Variants in B4GALT7 observed in about 807,000 individuals in gnomAD.
The protein encoded by B4GALT7 is beta-1,4-galactosyltransferase 7, also known as UDP-Gal:beta-GlcNAc beta-1,4-galactosyltransferase 7.
Under a neutral mutation model 33.0 loss-of-function variants are expected in B4GALT7, and 30 were observed. The observed-to-expected ratio is 0.91, with a 90% CI of 0.68 to 1.23. The LOEUF is 1.23. Among genes scored for constraint, B4GALT7 ranks in the 50% most tolerant of loss-of-function variants. The pLI is 0.00. For missense variants in B4GALT7, 507 were observed against 450.8 expected (o/e 1.12, Z -1.13); for synonymous variants, 213 against 187.2 (o/e 1.14, Z -1.13).
chr5:177,608,694 A>T lies in B4GALT7; in HGVS notation c.723+72A>T. 6.9e-7 allele frequency: 1 copy of T among 1,444,034 alleles called. No individual in the cohort carries two copies. The highest frequency in any genetic ancestry group is 9.6e-7 in the Non-Finnish European group (1 of 1,036,378). 89.5% of individuals were successfully genotyped at this position (1,444,034 alleles called of 1,614,324 possible). A position where few individuals can be genotyped will look rare whatever the true frequency, so the allele number is the denominator to read the frequency against. ...CTGAGATTTTCTTCTGTTTCCTCAGATGAAGCTCCTGGGGTCTGGAGATGG... is the reference window on the plus strand; with the variant it reads ...CTGAGATTTTCTTCTGTTTCCTCAGTTGAAGCTCCTGGGGTCTGGAGATGG... On this transcript the variant is annotated intron_variant, in intron 4 of 5. Transcript: ENST00000029410. This position sits in a 1 kb window ranked among gnomAD's most constrained non-coding sequence, Gnocchi z 4.1.
At position 177,609,584 on chromosome 5, in the gene B4GALT7, G is replaced by A. The variant is rs755157004; in HGVS notation, c.873G>A (p.Lys291=). The change falls in exon 6 of 6, where the codon AAG becomes AAA. Residue 291 remains lysine (K), a synonymous_variant. Transcript: ENST00000029410. ...VDREGGLNTV[K]YHVASRTALS... ...GGGAGGGAGGCCTGAACACTGTGAA[G>A]TACCATGTGGCTTCCCGCACTGCCC... 4 of 1,613,924 alleles carry A rather than the reference G, an allele frequency of 2.5e-6. No individual in the cohort carries two copies. Among genetic ancestry groups the A allele is most frequent in the South Asian group, 1.1e-5 (1 of 91,074 alleles).
rs6600950 is a variant in B4GALT7, at chr5:177,606,518, C to G, written c.414-784C>G. ...TGCCACTGCCACCTCCTGAGCTAGG[C>G]CACCTTCATCTTTTGGTCTCTCACC... On this transcript the variant is annotated intron_variant, in intron 2 of 5. Transcript: ENST00000029410. The surrounding 1 kb of genome is among the most constrained non-coding windows in gnomAD (Gnocchi z 4.2). The G allele has an allele frequency of 0.53, 81,548 of 152,850 alleles. 21,772 individuals carry two copies. The highest frequency in any genetic ancestry group is 0.59 in the African/African-American group (24,499 of 41,458). The allele number at this position is 152,850 out of a possible 1,614,324, so 9.5% of individuals were successfully genotyped here. A position where few individuals can be genotyped will look rare whatever the true frequency, so the allele number is the denominator to read the frequency against.
At position 177,607,519 on chromosome 5, in the gene B4GALT7, T is replaced by C. The variant is rs1203004554; in HGVS notation, c.631T>C (p.Tyr211His). The change falls in exon 3 of 6, where the codon TAC becomes CAC. Residue 211 changes from tyrosine to histidine, a missense_variant. Coordinates refer to ENST00000029410, the MANE Select transcript of B4GALT7 (RefSeq NM_007255.3). ...CATCCTGCTGCTCTCCAAGCAGCAC[T>C]ACCGGCTGGTGAGGCCCGGACAGCC... is the stretch of plus-strand genomic sequence containing the variant. ...GGILLLSKQH[Y>H]RLCNGMSNRF... The C allele has an allele frequency of 1.2e-6, 2 of 1,611,416 alleles. No individual in the cohort carries two copies. Among genetic ancestry groups the C allele is most frequent in the South Asian group, 1.1e-5 (1 of 91,082 alleles).
Position 177,609,707 on chromosome 5 carries a change from A to G in B4GALT7, c.*12A>G. 1 of 1,595,640 alleles carries G rather than the reference A, an allele frequency of 6.3e-7. No homozygotes were observed. The highest frequency in any genetic ancestry group is 8.5e-7 in the Non-Finnish European group (1 of 1,171,138). ...GCACATTCAGCTGAGCTGGATGGAC[A>G]GTGAGGAAGCCTGTACCTACAGGCC... On this transcript the variant is annotated 3_prime_UTR_variant, in exon 6 of 6. Coordinates refer to ENST00000029410, the MANE Select transcript of B4GALT7 (RefSeq NM_007255.3).
chr5:177,608,786 GC>G lies in B4GALT7; in HGVS notation c.724-120del. On this transcript the variant is annotated intron_variant, in intron 4 of 5. Transcript: ENST00000029410. This position sits in a 1 kb window ranked among gnomAD's most constrained non-coding sequence, Gnocchi z 4.1. ...ATCTAGCCAGTTCCTTGCCCTGTGG[GC>G]CCCAGTCTCCTCTCCTGCAGGCTGG... is the stretch of plus-strand genomic sequence containing the variant. 1 of 1,133,538 alleles carries G rather than the reference GC, an allele frequency of 8.8e-7. No homozygotes were observed. The highest frequency in any genetic ancestry group is 1.3e-5 in the South Asian group (1 of 79,418). 70.2% of individuals were successfully genotyped at this position (1,133,538 alleles called of 1,614,324 possible).
Position 177,600,307 on chromosome 5 carries a change from C to A in B4GALT7, c.50+47C>A. Reference sequence around the variant, plus strand: ...GGGCCCCGTCCTCCCGGGCGCCGCTCCCTTCTCGGCCGCCGGCGGAATCTG... The same window carrying A: ...GGGCCCCGTCCTCCCGGGCGCCGCTACCTTCTCGGCCGCCGGCGGAATCTG... On this transcript the variant is annotated intron_variant, in intron 1 of 5. Coordinates refer to ENST00000029410, the MANE Select transcript of B4GALT7 (RefSeq NM_007255.3). The surrounding 1 kb of genome is among the most constrained non-coding windows in gnomAD (Gnocchi z 4.4). 7.8e-7 allele frequency: 1 copy of A among 1,282,162 alleles called. No homozygotes were observed. The highest frequency in any genetic ancestry group is 2.2e-5 in the South Asian group (1 of 45,766). The allele number at this position is 1,282,162 out of a possible 1,614,324, so 79.4% of individuals were successfully genotyped here. A position where few individuals can be genotyped will look rare whatever the true frequency, so the allele number is the denominator to read the frequency against.
chr5:177,608,634 C>T lies in B4GALT7; in HGVS notation c.723+12C>T, dbSNP rs772061724. 1.8e-5 allele frequency: 29 copies of T among 1,611,228 alleles called. No individual in the cohort carries two copies. Among genetic ancestry groups the T allele is most frequent in the East Asian group, 8.9e-5 (4 of 44,882 alleles). ...GAGCTGGGCTCCAGGTGAGATTCCC[C>T]GGGCCCCGCCGCCACCTCAGCTGCG... On this transcript the variant is annotated intron_variant, in intron 4 of 5. Transcript: ENST00000029410. This position sits in a 1 kb window ranked among gnomAD's most constrained non-coding sequence, Gnocchi z 4.1.
At position 177,609,537 on chromosome 5, in the gene B4GALT7, C is replaced by T; in HGVS notation, c.829-3C>T. Reference sequence around the variant, plus strand: ...CCGTGCTCTTTCCTCTCTTCCTCCCCAGGAGCAGTTCAAGGTGGACAGGGA... The same window carrying T: ...CCGTGCTCTTTCCTCTCTTCCTCCCTAGGAGCAGTTCAAGGTGGACAGGGA... On this transcript the variant is annotated splice_region_variant and splice_polypyrimidine_tract_variant and intron_variant, in intron 5 of 5. Coordinates refer to ENST00000029410, the MANE Select transcript of B4GALT7 (RefSeq NM_007255.3). The T allele has an allele frequency of 6.2e-7, 1 of 1,613,086 alleles. No homozygotes were observed. Among genetic ancestry groups the T allele is most frequent in the Non-Finnish European group, 8.5e-7 (1 of 1,180,008 alleles).
In B4GALT7 at chr5:177,608,456, A is replaced by G. The variant is rs1581996194; in HGVS notation, c.640-83A>G. 1.6e-6 allele frequency: 2 copies of G among 1,252,880 alleles called. No individual in the cohort carries two copies. Among genetic ancestry groups the G allele is most frequent in the East Asian group, 4.7e-5 (2 of 42,980 alleles). 77.6% of individuals were successfully genotyped at this position (1,252,880 alleles called of 1,614,324 possible). ...GGCTTATTCAGAGGCGCTGGGGGAG[A>G]GGGGCACTCCCGAGCGGTAGGAGAC... On this transcript the variant is annotated intron_variant, in intron 3 of 5. Coordinates refer to ENST00000029410, the MANE Select transcript of B4GALT7 (RefSeq NM_007255.3). The surrounding 1 kb of genome is among the most constrained non-coding windows in gnomAD (Gnocchi z 4.1).
Position 177,609,824 on chromosome 5 carries a change from T to C in B4GALT7, c.*129T>C. On this transcript the variant is annotated 3_prime_UTR_variant, in exon 6 of 6. Coordinates refer to ENST00000029410, the MANE Select transcript of B4GALT7 (RefSeq NM_007255.3). The stretch of plus-strand genomic sequence containing the variant: ...AGGACCAAGACAGCAAGCTACGCAA[T>C]TGCAGCCACCCGGCCGCCAAGGCAG... 2 of 1,308,354 alleles carry C rather than the reference T, an allele frequency of 1.5e-6. No homozygotes were observed. The highest frequency in any genetic ancestry group is 2.1e-6 in the Non-Finnish European group (2 of 944,646). 81.0% of individuals were successfully genotyped at this position (1,308,354 alleles called of 1,614,324 possible). A position where few individuals can be genotyped will look rare whatever the true frequency, so the allele number is the denominator to read the frequency against.
chr5:177,602,828 AG>A, intron 1 of B4GALT7: 1 of 983,824 alleles, frequency 1.0e-6, no homozygotes, highest in Non-Finnish European at 1.2e-6. Flanking sequence ...GAGCAGGGCA[AG>A]GAACAGATGA....
In B4GALT7 at chr5:177,604,356, C is replaced by T. The variant is rs1379731741; in HGVS notation, c.228C>T (p.Pro76=). 5.6e-6 allele frequency: 9 copies of T among 1,612,304 alleles called. No individual in the cohort carries two copies. Among genetic ancestry groups the T allele is most frequent in the Non-Finnish European group, 7.6e-6 (9 of 1,179,210 alleles). The change falls in exon 2 of 6, where the codon CCC becomes CCT. Residue 76 remains proline, a synonymous_variant. Coordinates refer to ENST00000029410, the MANE Select transcript of B4GALT7 (RefSeq NM_007255.3). ...CCTCGGGCCCTCCCCGTGCCTGCCC[C>T]CCAGAGCCGCCCCCTGAGCACTGGG... is the stretch of plus-strand genomic sequence containing the variant. ...QETSGPPRAC[P]PEPPPEHWEE...
rs142951817 is a variant in B4GALT7, at chr5:177,604,539, C to T, written c.411C>T (p.Phe137=). ...ACGTGCTCAACCAGGTGGACCACTT[C>T]AGGTAGCGCCCGCCCCCACCCTCTC... The part of the protein sequence containing the change: ...HIYVLNQVDH[F]RFNRAALINV... The change falls in exon 2 of 6, where the codon TTC becomes TTT. Residue 137 remains phenylalanine (F), a splice_region_variant and synonymous_variant. Transcript: ENST00000029410. The T allele has an allele frequency of 1.2e-3, 1,860 of 1,613,728 alleles. 3 individuals are homozygous for T. The highest frequency in any genetic ancestry group is 1.1e-3 in the Non-Finnish European group (1,241 of 1,179,940).
At position 177,604,551 on chromosome 5, in the gene B4GALT7, G is replaced by T; in HGVS notation, c.413+10G>T. On this transcript the variant is annotated intron_variant, in intron 2 of 5. Transcript: ENST00000029410. ...AGGTGGACCACTTCAGGTAGCGCCCGCCCCCACCCTCTCCCCTCGGCACCC... is the reference window on the plus strand; with the variant it reads ...AGGTGGACCACTTCAGGTAGCGCCCTCCCCCACCCTCTCCCCTCGGCACCC... 1.2e-6 allele frequency: 2 copies of T among 1,613,482 alleles called. No individual in the cohort carries two copies. The highest frequency in any genetic ancestry group is 1.7e-6 in the Non-Finnish European group (2 of 1,179,882).
chr5:177,608,458 G>A lies in B4GALT7; in HGVS notation c.640-81G>A. ...CTTATTCAGAGGCGCTGGGGGAGAG[G>A]GGCACTCCCGAGCGGTAGGAGACCA... On this transcript the variant is annotated intron_variant, in intron 3 of 5. Coordinates refer to ENST00000029410, the MANE Select transcript of B4GALT7 (RefSeq NM_007255.3). The surrounding 1 kb of genome is among the most constrained non-coding windows in gnomAD (Gnocchi z 4.1). The A allele has an allele frequency of 1.5e-6, 2 of 1,291,990 alleles. No individual in the cohort carries two copies. Among genetic ancestry groups the A allele is most frequent in the South Asian group, 1.2e-5 (1 of 84,220 alleles). 80.0% of individuals were successfully genotyped at this position (1,291,990 alleles called of 1,614,324 possible). A position where few individuals can be genotyped will look rare whatever the true frequency, so the allele number is the denominator to read the frequency against.
rs1466980918 is a variant in B4GALT7 at position 177,609,724 on chromosome 5, C to T, written c.*29C>T. 6.3e-7 allele frequency: 1 copy of T among 1,575,492 alleles called. No individual in the cohort carries two copies. The highest frequency in any genetic ancestry group is 2.3e-5 in the East Asian group (1 of 42,620). On this transcript the variant is annotated 3_prime_UTR_variant, in exon 6 of 6. Transcript: ENST00000029410. ...GGATGGACAGTGAGGAAGCCTGTAC[C>T]TACAGGCCATATTGCTCAGGCTCAG...
chr5:177,605,899 G>A (rs1032243432), intron 2 of B4GALT7: 1 of 152,576 alleles, frequency 6.6e-6, no homozygotes, highest in Non-Finnish European at 1.5e-5. Context: ...TCTCACTGAG[G>A]TCACCAGCCA....
rs772088533 is a variant in B4GALT7, at chr5:177,608,580, GGAC to G, written c.687_689del (p.Asp229del). 6.2e-6 allele frequency: 10 copies of G among 1,614,034 alleles called. No homozygotes were observed. Among genetic ancestry groups the G allele is most frequent in the South Asian group, 2.2e-5 (2 of 91,090 alleles). On this transcript the variant is annotated inframe_deletion, in exon 4 of 6. Coordinates refer to ENST00000029410, the MANE Select transcript of B4GALT7 (RefSeq NM_007255.3). The surrounding 1 kb of genome is among the most constrained non-coding windows in gnomAD (Gnocchi z 4.1). ...ACCGCTTCTGGGGCTGGGGCCGCGAGGACGACGAGTTCTACCGGCGCATTAAGG... is the reference window on the plus strand; with the variant it reads ...ACCGCTTCTGGGGCTGGGGCCGCGAGGACGAGTTCTACCGGCGCATTAAGG...
At chr5:177,609,092 T>C in intron 5 of B4GALT7, 78 bp downstream of exon 5, 1 of 1,336,620 alleles carries the variant, frequency 7.5e-7, no homozygotes. Flanking sequence ...CACCAAGTTC[T>C]CCTTGGCCCA....
Sources: allele counts gnomAD v4.1 joint callset, GRCh38; gene constraint gnomAD v4.1.1; non-coding constraint Gnocchi (gnomAD v3.1); transcripts MANE v1.5; gene names NCBI Gene and HGNC (gene_info 2026-07-23, HGNC 2026-07-21).